The following MRAP2 variants were observed in gnomAD, a reference collection of about 807,000 sequenced individuals.
MRAP2 encodes the protein melanocortin 2 receptor accessory protein 2.
A neutral mutation model predicts 17.4 loss-of-function variants in MRAP2; 20 were observed. The observed-to-expected ratio is 1.15, with a 90% CI of 0.81 to 1.67. MRAP2 has a LOEUF of 1.67. MRAP2 is among the 40% of genes most tolerant of loss of function. MRAP2 has a pLI of 0.00. For synonymous variants in MRAP2, 96 were observed against 88.4 expected (o/e 1.09, Z -0.48); for missense variants, 238 against 240.0 (o/e 0.99, Z 0.05).
chr6:84,137,831 C>A, the MRAP2 span, among the ~76,000 whole-genome samples: 8 of 152,116 alleles, frequency 5.3e-5, no homozygotes, highest in African/African-American at 1.9e-4. Context: ...CTTAAAAAAA[C>A]CCAAGGATTT....
intron 3 of MRAP2, among the ~76,000 whole-genome samples, chr6:84,073,889 T>TGTGTG (rs370523969): frequency 2.8e-5 from 2 of 72,250 alleles, no homozygotes; most frequent in African/African-American, 1.9e-4. Context: ...TGTGTGTGTG[T>TGTGTG]TTTTTTTTTT....
the MRAP2 span, among the ~76,000 whole-genome samples, chr6:84,109,791 C>G: frequency 1.3e-5 from 2 of 151,434 alleles, no homozygotes; most frequent in South Asian, 2.1e-4. Context: ...GTGATGTTCC[C>G]CTCCCTGTGT....
At chr6:84,045,314 C>G in intron 1 of MRAP2, 1 of 985,330 alleles carries the variant, frequency 1.0e-6, no homozygotes, top group East Asian at 1.1e-4. Flanking sequence ...GATGAGGCTG[C>G]GAGGGCAGAG....
chr6:84,110,421 A>G, the MRAP2 span, among the ~76,000 whole-genome samples: 1 of 150,906 alleles, frequency 6.6e-6, no homozygotes, highest in African/African-American at 2.4e-5. Context: ...TCCTTCACCC[A>G]CTTTTTGATG....
At position 84,033,800 on chromosome 6, in the gene MRAP2, G is replaced by A. The variant is rs985262654; in HGVS notation, c.-91G>A. The A allele has an allele frequency of 9.2e-6, 9 of 982,162 alleles. No individual in the cohort carries two copies. The African/African-American group carries it at 1.1e-4, about 12-fold the overall frequency. 60.8% of individuals were successfully genotyped at this position (982,162 alleles called of 1,614,324 possible). A position where few individuals can be genotyped will look rare whatever the true frequency, so the allele number is the denominator to read the frequency against. On this transcript the variant is annotated 5_prime_UTR_variant, in exon 1 of 4. Transcript: ENST00000257776. ...CGCCCGGCCCTGGGCGGTGGGAGGC[G>A]GCGGCGGCGGCGGCGCTCGCGCACC...
the MRAP2 span, among the ~76,000 whole-genome samples, chr6:84,096,961 A>C: frequency 1.3e-5 from 2 of 152,208 alleles, no homozygotes; most frequent in African/African-American, 4.8e-5. Flanking sequence ...GGTGACATTT[A>C]TTAGGCACTA....
At chr6:84,117,610 C>T in the MRAP2 span, among the ~76,000 whole-genome samples, 1 of 150,874 alleles carries the variant, frequency 6.6e-6, no homozygotes, top group East Asian at 1.9e-4. Flanking sequence ...TATCTGTCTT[C>T]AGTCTTTGAG....
the MRAP2 span, among the ~76,000 whole-genome samples, chr6:84,130,894 C>T: frequency 0.024 from 3,669 of 152,180 alleles, 137 homozygotes; most frequent in African/African-American, 0.084. Context: ...TTGTCTTCTG[C>T]TAGCTTTTGA....
chr6:84,047,595 A>G (rs188728494), intron 1 of MRAP2, among the ~76,000 whole-genome samples: 1 of 152,326 alleles, frequency 6.6e-6, no homozygotes, highest in East Asian at 1.9e-4. Flanking sequence ...CAGTGGCATT[A>G]AATATATTTA....
chr6:84,124,063 G>A, the MRAP2 span, among the ~76,000 whole-genome samples: 1 of 152,096 alleles, frequency 6.6e-6, no homozygotes, highest in African/African-American at 2.4e-5. Flanking sequence ...TCAAACAACA[G>A]ATGATGGTGT....
downstream of MRAP2, among the ~76,000 whole-genome samples, chr6:84,092,269 A>G (rs2099501896): frequency 6.6e-6 from 1 of 152,150 alleles, no homozygotes; most frequent in Non-Finnish European, 1.5e-5. Flanking sequence ...CTACATATTG[A>G]CAGGTTTCAG....
intron 3 of MRAP2, among the ~76,000 whole-genome samples, chr6:84,069,970 G>T (rs2129170233): frequency 6.6e-6 from 1 of 151,682 alleles, no homozygotes; most frequent in Middle Eastern, 3.4e-3. Flanking sequence ...AGGTTATTTG[G>T]ATTTTCTCTC....
chr6:84,113,000 G>A, the MRAP2 span, among the ~76,000 whole-genome samples: 6,461 of 152,254 alleles, frequency 0.042, 199 homozygotes, highest in Admixed American at 0.086. Context: ...TTGCTGAGGA[G>A]TGTTTTACTT....
At chr6:84,043,154 A>AGTG in intron 1 of MRAP2, among the ~76,000 whole-genome samples, 1 of 152,338 alleles carries the variant, frequency 6.6e-6, no homozygotes, top group African/African-American at 2.4e-5. Context: ...GAACTTAAAG[A>AGTG]GTGGTTGATT....
At chr6:84,109,008 T>C in the MRAP2 span, among the ~76,000 whole-genome samples, 3 of 152,174 alleles carry the variant, frequency 2.0e-5, no homozygotes, top group Non-Finnish European at 4.4e-5. Flanking sequence ...TTCTGGGCTC[T>C]TTATTCTGTA....
chr6:84,086,941 G>A (rs1483564327), intron 3 of MRAP2, among the ~76,000 whole-genome samples: 1 of 152,216 alleles, frequency 6.6e-6, no homozygotes, highest in Non-Finnish European at 1.5e-5. Context: ...TGGTGCCACA[G>A]GTAGGCAGAA....
chr6:84,112,528 A>C, the MRAP2 span, among the ~76,000 whole-genome samples: 7 of 152,136 alleles, frequency 4.6e-5, no homozygotes, highest in Non-Finnish European at 1.5e-5. Context: ...CAGTCTATCT[A>C]TTTTGTTAAT....
chr6:84,123,425 T>A, the MRAP2 span, among the ~76,000 whole-genome samples: 2 of 151,994 alleles, frequency 1.3e-5, no homozygotes, highest in Non-Finnish European at 2.9e-5. Context: ...TAAAGCCACA[T>A]ACTTACAACT....
At chr6:84,065,044 G>A (rs1419740620) in intron 3 of MRAP2, among the ~76,000 whole-genome samples, 2 of 152,132 alleles carry the variant, frequency 1.3e-5, no homozygotes, top group Non-Finnish European at 2.9e-5. Flanking sequence ...CAACAGTTCT[G>A]GAGGTCGAAG....
Sources: allele counts gnomAD v4.1 joint callset (sites outside exome capture counted in the v4.1 genomes callset), GRCh38; gene constraint gnomAD v4.1.1; transcripts MANE v1.5; gene names NCBI Gene and HGNC (gene_info 2026-07-23, HGNC 2026-07-21).